The following IMMP2L variants were observed in gnomAD, a reference collection of about 807,000 sequenced individuals.
IMMP2L encodes inner mitochondrial membrane peptidase subunit 2.
A neutral mutation model predicts 19.3 loss-of-function variants in IMMP2L; 18 were observed. The observed-to-expected ratio is 0.93, with a 90% confidence interval of 0.64 to 1.38. The LOEUF is 1.38. Ranked by LOEUF, IMMP2L falls within the 40% of genes most tolerant of loss-of-function variation. The pLI is 0.00. For synonymous variants in IMMP2L, 76 were observed against 73.0 expected (o/e 1.04, Z -0.21); for missense variants, 233 against 218.2 (o/e 1.07, Z -0.43).
At chr7:111,560,198 T>C (rs1228991202) in intron 1 of IMMP2L, among the ~76,000 whole-genome samples, 1 of 152,146 alleles carries the variant, frequency 6.6e-6, no homozygotes, top group African/African-American at 2.4e-5. Flanking sequence ...AACTCACTTA[T>C]TGCCTTTTAT....
intron 5 of IMMP2L, among the ~76,000 whole-genome samples, chr7:110,847,872 A>T (rs1805823623): frequency 6.6e-6 from 1 of 152,160 alleles, no homozygotes; most frequent in Non-Finnish European, 1.5e-5. Context: ...ATAATAATAA[A>T]AAATCTAGAC....
chr7:111,454,100 A>G (rs1282320145), intron 3 of IMMP2L, among the ~76,000 whole-genome samples: 2 of 152,150 alleles, frequency 1.3e-5, no homozygotes, highest in African/African-American at 4.8e-5. Flanking sequence ...AATTGAAACC[A>G]TATAAAAAAC....
chr7:111,282,194 G>C (rs1460976521), intron 3 of IMMP2L, among the ~76,000 whole-genome samples: 1 of 152,158 alleles, frequency 6.6e-6, no homozygotes, highest in Non-Finnish European at 1.5e-5. Flanking sequence ...AAAGAAGCGT[G>C]ACAGATCAAC....
chr7:110,918,808 A>G (rs1813930173), intron 4 of IMMP2L, among the ~76,000 whole-genome samples: 2 of 152,160 alleles, frequency 1.3e-5, no homozygotes, highest in African/African-American at 4.8e-5. Flanking sequence ...TCTTCTTGTC[A>G]TTAAAAATAA....
At chr7:111,531,251 G>A (rs374747356) in intron 1 of IMMP2L, among the ~76,000 whole-genome samples, 217 of 151,760 alleles carry the variant, frequency 1.4e-3, no homozygotes, top group African/African-American at 5.0e-3. Flanking sequence ...CACTGCGTCC[G>A]GCCTGAATAC....
chr7:110,902,335 A>C (rs1356081784), intron 4 of IMMP2L, among the ~76,000 whole-genome samples: 1 of 151,774 alleles, frequency 6.6e-6, no homozygotes, highest in African/African-American at 2.4e-5. Context: ...CAAACAAAAA[A>C]CAGTAATTAA....
At chr7:111,141,564 A>T (rs148496660) in intron 3 of IMMP2L, among the ~76,000 whole-genome samples, 247 of 152,176 alleles carry the variant, frequency 1.6e-3, no homozygotes, top group African/African-American at 4.8e-3. Flanking sequence ...ATAGAATTAT[A>T]AATCTGCAAA....
At chr7:111,202,202 A>C (rs754097817) in intron 3 of IMMP2L, among the ~76,000 whole-genome samples, 1 of 152,204 alleles carries the variant, frequency 6.6e-6, no homozygotes, top group African/African-American at 2.4e-5. Flanking sequence ...CTTTGATATC[A>C]GGTTATAAAT....
intron 5 of IMMP2L, among the ~76,000 whole-genome samples, chr7:110,794,214 CTT>C (rs1800690892): frequency 6.6e-6 from 1 of 152,086 alleles, no homozygotes. Context: ...TTTATAGCAG[CTT>C]TATTTATAGT....
chr7:111,115,652 A>C (rs2129585371), intron 3 of IMMP2L, among the ~76,000 whole-genome samples: 1 of 151,514 alleles, frequency 6.6e-6, no homozygotes, highest in South Asian at 2.1e-4. Flanking sequence ...TTTTATTTTT[A>C]TTATTTATTT....
intron 3 of IMMP2L, among the ~76,000 whole-genome samples, chr7:111,320,482 A>G (rs574751152): frequency 6.6e-6 from 1 of 152,132 alleles, no homozygotes; most frequent in South Asian, 2.1e-4. Flanking sequence ...ATAAATTCTA[A>G]AACACAATCT....
chr7:111,054,653 T>G (rs1451495462), intron 3 of IMMP2L, among the ~76,000 whole-genome samples: 1 of 152,182 alleles, frequency 6.6e-6, no homozygotes, highest in Non-Finnish European at 1.5e-5. Context: ...AAATGCCTTC[T>G]TCAGTATGGA....
At chr7:111,399,544 AG>A in intron 3 of IMMP2L, among the ~76,000 whole-genome samples, 1 of 152,038 alleles carries the variant, frequency 6.6e-6, no homozygotes, top group Admixed American at 6.5e-5. Flanking sequence ...TATTAGAGAC[AG>A]GGTTTCATCA....
Position 110,689,137 on chromosome 7 carries a change from TG to T in IMMP2L, c.409-25417del, listed in dbSNP as rs531100431. On this transcript the variant is annotated intron_variant, in intron 5 of 5. Transcript: ENST00000405709. The stretch of plus-strand genomic sequence containing the variant: ...ACGCTGGGTGTGGAACTCCGCATTC[TG>T]TGGTTCAAACAGGCCTCCAAGGCAA... 2.6e-3 allele frequency among the ~76,000 whole-genome samples: 389 copies of T among 152,298 alleles called. 2 individuals are homozygous for T. Among genetic ancestry groups the T allele is most frequent in the Non-Finnish European group, 4.9e-3 (331 of 68,012 alleles).
At chr7:111,272,200 G>A (rs1818539748) in intron 3 of IMMP2L, among the ~76,000 whole-genome samples, 1 of 151,952 alleles carries the variant, frequency 6.6e-6, no homozygotes, top group African/African-American at 2.4e-5. Flanking sequence ...ATCTCTTCAG[G>A]ATTATCTTGT....
chr7:111,096,324 C>A (rs1797392430), intron 3 of IMMP2L, among the ~76,000 whole-genome samples: 1 of 151,686 alleles, frequency 6.6e-6, no homozygotes, highest in South Asian at 2.1e-4. Flanking sequence ...AGCACTGGTC[C>A]CTGGCATTTC....
At chr7:111,086,681 C>T (rs1016984394) in intron 3 of IMMP2L, among the ~76,000 whole-genome samples, 1 of 152,178 alleles carries the variant, frequency 6.6e-6, no homozygotes, top group Non-Finnish European at 1.5e-5. Flanking sequence ...AGGACAAAGT[C>T]ATTGAAGACC....
intron 3 of IMMP2L, among the ~76,000 whole-genome samples, chr7:111,051,564 C>T (rs1310835676): frequency 6.6e-6 from 1 of 152,106 alleles, no homozygotes; most frequent in Admixed American, 6.6e-5. Flanking sequence ...CTGAAATTCA[C>T]TATAGCTCAA....
intron 5 of IMMP2L, among the ~76,000 whole-genome samples, chr7:110,844,176 CTAT>C (rs1383347528): frequency 1.3e-5 from 2 of 152,142 alleles, no homozygotes; most frequent in African/African-American, 4.8e-5. Flanking sequence ...TTTTCGACAT[CTAT>C]TATTTGCCAG....
Sources: allele counts gnomAD v4.1 joint callset (sites outside exome capture counted in the v4.1 genomes callset), GRCh38; gene constraint gnomAD v4.1.1; transcripts MANE v1.5; gene names NCBI Gene and HGNC (gene_info 2026-07-23, HGNC 2026-07-21).